Variants in TMEM182 observed in about 807,000 individuals in gnomAD.
TMEM182 encodes the protein transmembrane protein 182.
Under a neutral mutation model 26.8 loss-of-function variants are expected in TMEM182, and 20 were observed. The ratio of observed to expected loss-of-function variants is 0.75; its 90% CI spans 0.53 to 1.09. The LOEUF (loss-of-function observed/expected upper bound fraction) is 1.09. TMEM182 is among the 50% of genes least tolerant of loss of function. TMEM182 has a pLI of 0.00. For synonymous variants in TMEM182, 109 were observed against 102.2 expected (o/e 1.07, Z -0.40); for missense variants, 277 against 275.5 (o/e 1.01, Z -0.04).
At chr2:102,776,071 T>C (rs1303012813) in intron 3 of TMEM182, among the ~76,000 whole-genome samples, 2 of 152,042 alleles carry the variant, frequency 1.3e-5, no homozygotes, top group Admixed American at 1.3e-4. Context: ...TACAGAAAAA[T>C]TGAGTAGAAA....
chr2:102,813,205 C>T (rs1055377824), intron 4 of TMEM182, among the ~76,000 whole-genome samples: 3 of 152,202 alleles, frequency 2.0e-5, no homozygotes, highest in Non-Finnish European at 2.9e-5. Flanking sequence ...CACACCACAA[C>T]ATATTTATGA....
At chr2:102,739,923 A>G (rs543026277) in intron 1 of TMEM182, among the ~76,000 whole-genome samples, 30 of 152,184 alleles carry the variant, frequency 2.0e-4, no homozygotes, top group South Asian at 1.5e-3. Flanking sequence ...CAGTCGTCCT[A>G]TGTCTTCTGC....
intron 3 of TMEM182, among the ~76,000 whole-genome samples, chr2:102,765,216 A>T (rs147849631): frequency 3.3e-5 from 5 of 152,248 alleles, no homozygotes; most frequent in Non-Finnish European, 7.4e-5. Flanking sequence ...AGAGAGAGTG[A>T]TTGTAAGGCC....
intron 1 of TMEM182, among the ~76,000 whole-genome samples, chr2:102,741,030 T>C (rs1679525416): frequency 6.6e-6 from 1 of 152,180 alleles, no homozygotes; most frequent in South Asian, 2.1e-4. Context: ...TGCCAACATA[T>C]AAAGAGCTTG....
At chr2:102,832,900 C>T (rs566966222) in intron 3 of TMEM182, among the ~76,000 whole-genome samples, 14 of 152,280 alleles carry the variant, frequency 9.2e-5, no homozygotes, top group Middle Eastern at 6.8e-3. Context: ...CCAAATTGCA[C>T]ACAGCCATCC....
chr2:102,794,408 C>T (rs1183123259), intron 3 of TMEM182, among the ~76,000 whole-genome samples: 1 of 152,244 alleles, frequency 6.6e-6, no homozygotes, highest in Admixed American at 6.5e-5. Flanking sequence ...TGCTCTTCCT[C>T]TGTTTCTGAA....
intron 3 of TMEM182, among the ~76,000 whole-genome samples, chr2:102,777,171 G>GT (rs1319180153): frequency 6.6e-6 from 1 of 151,532 alleles, no homozygotes; most frequent in Non-Finnish European, 1.5e-5. Flanking sequence ...ATTTGTCTCT[G>GT]TTTTTTTTCT....
In TMEM182 at chr2:102,774,487, G is replaced by C. The variant is rs560929044; in HGVS notation, c.331+10060G>C. Among the ~76,000 whole-genome samples, 4 of 151,120 alleles carry C rather than the reference G, an allele frequency of 2.6e-5. No individual in the cohort carries two copies. The South Asian group carries it at 8.4e-4, about 32-fold the overall frequency. On this transcript the variant is annotated intron_variant, in intron 3 of 4. Transcript: ENST00000412401. ...ACCGTGTGTTAGCCAGGATGGTCTC[G>C]ATCTTCTGACCTTGTGATCTGCCCG... is the stretch of plus-strand genomic sequence containing the variant.
intron 1 of TMEM182, among the ~76,000 whole-genome samples, chr2:102,741,473 C>A (rs1573479015): frequency 6.6e-6 from 1 of 152,206 alleles, no homozygotes; most frequent in Middle Eastern, 3.4e-3. Context: ...TTGAAATACA[C>A]CAAGAGCATT....
intron 3 of TMEM182, among the ~76,000 whole-genome samples, chr2:102,780,933 T>C (rs1681143380): frequency 6.6e-6 from 1 of 152,208 alleles, no homozygotes; most frequent in Admixed American, 6.5e-5. Context: ...CCATTGTTGA[T>C]TCTGGCTTGC....
intron 3 of TMEM182, among the ~76,000 whole-genome samples, chr2:102,797,225 C>G (rs970931187): frequency 6.6e-6 from 1 of 152,182 alleles, no homozygotes; most frequent in African/African-American, 2.4e-5. Flanking sequence ...TTAAATACAT[C>G]TGATTTAAAT....
At chr2:102,793,156 T>C (rs1558775238) in intron 3 of TMEM182, among the ~76,000 whole-genome samples, 1 of 152,182 alleles carries the variant, frequency 6.6e-6, no homozygotes, top group Non-Finnish European at 1.5e-5. Context: ...TTCCAGTTCC[T>C]AGGGGATCAC....
At chr2:102,795,069 CCT>C (rs769507898) in intron 3 of TMEM182, among the ~76,000 whole-genome samples, 28 of 152,012 alleles carry the variant, frequency 1.8e-4, no homozygotes, top group Admixed American at 3.3e-4. Flanking sequence ...CTCTCTCATC[CCT>C]GTTTTATTAT....
chr2:102,783,863 T>A (rs1681274343), intron 3 of TMEM182, among the ~76,000 whole-genome samples: 1 of 152,220 alleles, frequency 6.6e-6, no homozygotes. Flanking sequence ...TCTCAGCCTG[T>A]GAATAAATAA....
At chr2:102,740,305 T>C (rs35247825) in intron 1 of TMEM182, among the ~76,000 whole-genome samples, 45,355 of 152,026 alleles carry the variant, frequency 0.3, 7,330 homozygotes, top group East Asian at 0.58. Flanking sequence ...TGGGACATAA[T>C]TGAATCATGG....
intron 3 of TMEM182, among the ~76,000 whole-genome samples, chr2:102,774,502 T>A (rs531631178): frequency 6.6e-6 from 1 of 152,006 alleles, no homozygotes; most frequent in South Asian, 2.1e-4. Context: ...TCTGACCTTG[T>A]GATCTGCCCG....
intron 1 of TMEM182, among the ~76,000 whole-genome samples, chr2:102,744,744 G>C (rs1448389024): frequency 6.6e-6 from 1 of 151,976 alleles, no homozygotes; most frequent in Non-Finnish European, 1.5e-5. Context: ...ATCCTTATAT[G>C]TTTTCTGATG....
intron 3 of TMEM182, among the ~76,000 whole-genome samples, chr2:102,776,533 G>A (rs1680923753): frequency 6.6e-6 from 1 of 152,084 alleles, no homozygotes; most frequent in Non-Finnish European, 1.5e-5. Context: ...TCTCATTAGT[G>A]GGTGTATCAT....
At chr2:102,789,339 C>T (rs1165431270) in intron 3 of TMEM182, among the ~76,000 whole-genome samples, 1 of 152,216 alleles carries the variant, frequency 6.6e-6, no homozygotes, top group Non-Finnish European at 1.5e-5. Flanking sequence ...TATCAAAACA[C>T]TACAAATTTG....
Sources: allele counts gnomAD v4.1 joint callset (sites outside exome capture counted in the v4.1 genomes callset), GRCh38; gene constraint gnomAD v4.1.1; transcripts MANE v1.5; gene names NCBI Gene and HGNC (gene_info 2026-07-23, HGNC 2026-07-21).